XPNPEP1: variants seen among roughly 807,000 people sequenced by gnomAD.
XPNPEP1 encodes X-prolyl aminopeptidase 1, also known as xaa-Pro aminopeptidase 1.
In XPNPEP1, 39 loss-of-function variants were observed where a neutral mutation model predicts 92.4. The ratio of observed to expected loss-of-function variants is 0.42; its 90% confidence interval spans 0.33 to 0.55. The LOEUF (loss-of-function observed/expected upper bound fraction) is 0.55. Among genes scored for constraint, XPNPEP1 ranks in the 20% least tolerant of loss-of-function variants. XPNPEP1 has a pLI of 0.08. For missense variants in XPNPEP1, 654 were observed against 856.1 expected (o/e 0.76, Z 2.95); for synonymous variants, 307 against 299.4 (o/e 1.03, Z -0.26).
rs976380333 is a variant in XPNPEP1, at chr10:109,867,396, G to A, written c.1872+1218C>T. ...CATCTACAAGCTGCATAACCCACCC[G>A]GTATCAGCAAGGCCCATGTGGGTCC... On this transcript the variant is annotated intron_variant, in intron 20 of 20. Transcript: ENST00000502935. This position sits in a 1 kb window ranked among gnomAD's most constrained non-coding sequence, Gnocchi z 4.5. Among the ~76,000 whole-genome samples, 27 of 152,200 alleles carry A rather than the reference G, an allele frequency of 1.8e-4. No individual in the cohort carries two copies. The highest frequency in any genetic ancestry group is 4.1e-4 in the South Asian group (2 of 4,828).
intron 1 of XPNPEP1, among the ~76,000 whole-genome samples, chr10:109,919,408 C>T (rs977888714): frequency 6.6e-6 from 1 of 152,130 alleles, no homozygotes; most frequent in Non-Finnish European, 1.5e-5. Context: ...TAGGGAAACA[C>T]AAATCGAAAC....
chr10:109,885,581 G>C (rs912443016), intron 8 of XPNPEP1, among the ~76,000 whole-genome samples: 1 of 152,214 alleles, frequency 6.6e-6, no homozygotes, highest in Non-Finnish European at 1.5e-5. Context: ...ACTGAAGAGA[G>C]AGGACACTGC....
At chr10:109,894,375 A>G (rs546949627) in intron 3 of XPNPEP1, among the ~76,000 whole-genome samples, 57 of 152,054 alleles carry the variant, frequency 3.7e-4, no homozygotes, top group African/African-American at 1.3e-3. Context: ...TACAAAAAAT[A>G]CAATAATTAG....
chr10:109,900,569 T>A (rs1314730518), intron 3 of XPNPEP1, among the ~76,000 whole-genome samples: 1 of 152,062 alleles, frequency 6.6e-6, no homozygotes, highest in African/African-American at 2.4e-5. Context: ...GCCTGCAAGG[T>A]CCACATTTAA....
At chr10:109,902,955 G>T (rs1337442082) in intron 3 of XPNPEP1, among the ~76,000 whole-genome samples, 3 of 152,206 alleles carry the variant, frequency 2.0e-5, no homozygotes, top group Admixed American at 2.0e-4. Flanking sequence ...ATTGCTTCGG[G>T]TGTAATAGGC....
chr10:109,917,967 G>C (rs1354907435), intron 1 of XPNPEP1, among the ~76,000 whole-genome samples: 2 of 152,090 alleles, frequency 1.3e-5, no homozygotes, highest in African/African-American at 4.8e-5. Flanking sequence ...ACAAAAATTA[G>C]TCAGGCATGG....
chr10:109,893,635 A>G (rs1848821932), intron 3 of XPNPEP1: 1 of 152,702 alleles, frequency 6.5e-6, no homozygotes, highest in Non-Finnish European at 1.5e-5. Flanking sequence ...GCTTCAGCAA[A>G]ATAAAATGTC....
intron 3 of XPNPEP1, among the ~76,000 whole-genome samples, chr10:109,894,709 T>A (rs1275339063): frequency 1.3e-5 from 2 of 152,208 alleles, no homozygotes; most frequent in Non-Finnish European, 2.9e-5. Context: ...CAGGCCCAGC[T>A]GCATAGTCTG....
At chr10:109,883,781 T>A in intron 9 of XPNPEP1, 1 of 318,932 alleles carries the variant, frequency 3.1e-6, no homozygotes, top group Admixed American at 5.0e-5. Flanking sequence ...TAATTGAGCA[T>A]ATATACCCCT....
chr10:109,906,422 A>G (rs1849563628), intron 3 of XPNPEP1, among the ~76,000 whole-genome samples: 1 of 152,174 alleles, frequency 6.6e-6, no homozygotes. Flanking sequence ...GATATGCAGC[A>G]AGACCTGAAA....
At chr10:109,907,969 A>C in intron 2 of XPNPEP1, 154 bp from the exon 3 acceptor site, 1 of 1,079,158 alleles carries the variant, frequency 9.3e-7, no homozygotes, top group Non-Finnish European at 1.3e-6. Context: ...ACCAAGACCA[A>C]AGCTGCCAGA....
At chr10:109,890,295 G>A (rs536143736) in intron 5 of XPNPEP1, among the ~76,000 whole-genome samples, 19 of 152,160 alleles carry the variant, frequency 1.2e-4, no homozygotes, top group Non-Finnish European at 2.6e-4. Flanking sequence ...CTGCTCCCCA[G>A]GGGGACACAA....
rs1358911478 is a variant in XPNPEP1 at position 109,909,372 on chromosome 10, AGTTGG to A, written c.122-1562_122-1558del. ...GAGTCTACCATTCAAATAAAACCAG[AGTTGG>A]AATCACCAGCTTTAGAAAATACAAA... On this transcript the variant is annotated intron_variant, in intron 2 of 20. Transcript: ENST00000502935. Among the ~76,000 whole-genome samples, 14 of 152,354 alleles carry A rather than the reference AGTTGG, an allele frequency of 9.2e-5. No homozygotes were observed. In the East Asian group the frequency reaches 2.3e-3, roughly 25 times the overall value.
intron 14 of XPNPEP1, 110 bp downstream of exon 14, chr10:109,877,680 G>T: frequency 7.8e-7 from 1 of 1,289,452 alleles, no homozygotes; most frequent in Non-Finnish European, 1.1e-6. Flanking sequence ...AGTCTCAACA[G>T]ACAGATGAAG....
At position 109,892,137 on chromosome 10, in the gene XPNPEP1, T is replaced by A. The variant is rs138732113; in HGVS notation, c.311-311A>T. Among the ~76,000 whole-genome samples, 143 of 152,284 alleles carry A rather than the reference T, an allele frequency of 9.4e-4. 1 individual carries two copies. The highest frequency in any genetic ancestry group is 3.3e-3 in the African/African-American group (136 of 41,556). ...GAGAACTGTAGACCTATGGCCAAAG[T>A]GGTCTCGTATAATCAACAAGACACA... On this transcript the variant is annotated intron_variant, in intron 4 of 20. Transcript: ENST00000502935.
intron 9 of XPNPEP1, among the ~76,000 whole-genome samples, chr10:109,883,428 G>A (rs191926091): frequency 9.7e-4 from 148 of 152,024 alleles, no homozygotes; most frequent in East Asian, 6.6e-3. Flanking sequence ...GGCCCCTCTC[G>A]TAACACCTGT....
At chr10:109,896,421 G>A (rs1170566751) in intron 3 of XPNPEP1, among the ~76,000 whole-genome samples, 1 of 146,028 alleles carries the variant, frequency 6.8e-6, no homozygotes, top group Non-Finnish European at 1.5e-5. Flanking sequence ...TGGGACTACA[G>A]CAGGCACACA....
chr10:109,888,405 C>G lies in XPNPEP1; in HGVS notation c.508+98G>C, dbSNP rs144299813. On this transcript the variant is annotated intron_variant, in intron 6 of 20. Transcript: ENST00000502935. ...CTACTATAAAATCAGTCATGCTGAG[C>G]CCCCCAGTGCTCCACACCCCACAAG... 6.1e-5 allele frequency: 79 copies of G among 1,296,372 alleles called. No homozygotes were observed. In the Middle Eastern group the frequency reaches 2.1e-3, roughly 35 times the overall value. 80.3% of individuals were successfully genotyped at this position (1,296,372 alleles called of 1,614,324 possible). A position where few individuals can be genotyped will look rare whatever the true frequency, so the allele number is the denominator to read the frequency against.
Position 109,873,483 on chromosome 10 carries a change from T to C in XPNPEP1, c.1392-56A>G, listed in dbSNP as rs369266132. 79 of 1,608,072 alleles carry C rather than the reference T, an allele frequency of 4.9e-5. No individual in the cohort carries two copies. In the African/African-American group the frequency reaches 8.0e-4, roughly 16 times the overall value. On this transcript the variant is annotated intron_variant, in intron 15 of 20. Transcript: ENST00000502935. ...GTCAAAATAAGCTTTAAGTCAAATA[T>C]GACACAGGCAAGCATGTGGACAAGT...
Sources: gnomAD v4.1 joint callset for allele counts (sites outside exome capture counted in the v4.1 genomes callset) on GRCh38, gnomAD v4.1.1 for gene constraint, Gnocchi (gnomAD v3.1) non-coding constraint, MANE v1.5 for transcripts, NCBI Gene and HGNC (gene_info 2026-07-23, HGNC 2026-07-21) for gene names.